PTGER3: variants seen among roughly 807,000 people sequenced by gnomAD.
The protein encoded by PTGER3 is prostaglandin E receptor 3.
PTGER3 carries 22 observed loss-of-function variants against 34.7 expected under a neutral mutation model. The ratio of observed to expected loss-of-function variants is 0.63; its 90% CI spans 0.45 to 0.91. PTGER3 has a LOEUF of 0.91. Among genes scored for constraint, PTGER3 ranks in the 40% least tolerant of loss-of-function variants. PTGER3 has a pLI of 0.00. For missense variants in PTGER3, 468 were observed against 519.4 expected (o/e 0.90, Z 0.96); for synonymous variants, 241 against 230.1 (o/e 1.05, Z -0.43).
At chr1:70,905,208 G>A (rs1646919410) in intron 4 of PTGER3, among the ~76,000 whole-genome samples, 1 of 152,150 alleles carries the variant, frequency 6.6e-6, no homozygotes, top group Admixed American at 6.5e-5. Context: ...ACACCTGGAT[G>A]CCCAGGCAGA....
intron 2 of PTGER3, among the ~76,000 whole-genome samples, chr1:70,989,255 A>G (rs1401854652): frequency 6.6e-6 from 1 of 152,174 alleles, no homozygotes; most frequent in Non-Finnish European, 1.5e-5. Flanking sequence ...GGTTATAAGG[A>G]TAATGATAAC....
chr1:70,915,962 G>A (rs983173558), intron 4 of PTGER3, among the ~76,000 whole-genome samples: 2 of 151,796 alleles, frequency 1.3e-5, no homozygotes, highest in African/African-American at 4.8e-5. Flanking sequence ...CTAGAAAATG[G>A]GAGAAAATAT....
chr1:70,952,445 GA>G (rs1471089338), exon 4 of PTGER3: 2 of 985,548 alleles, frequency 2.0e-6, no homozygotes, highest in Non-Finnish European at 2.4e-6. Context: ...TGTTGAATTA[GA>G]ATGTGTTTTA....
chr1:70,946,975 T>G (rs1413087965), intron 4 of PTGER3, among the ~76,000 whole-genome samples: 1 of 152,080 alleles, frequency 6.6e-6, no homozygotes, highest in Non-Finnish European at 1.5e-5. Context: ...TGACCTGGGA[T>G]AGCACGGTAC....
At chr1:71,044,996 A>G (rs1660633831) in intron 1 of PTGER3, among the ~76,000 whole-genome samples, 1 of 152,176 alleles carries the variant, frequency 6.6e-6, no homozygotes, top group Non-Finnish European at 1.5e-5. Flanking sequence ...GGCCACCTGT[A>G]CACTCCATTC....
chr1:71,015,042 A>G (rs1657771477), intron 1 of PTGER3, among the ~76,000 whole-genome samples: 2 of 152,094 alleles, frequency 1.3e-5, no homozygotes, highest in African/African-American at 4.8e-5. Context: ...GCTATAGTCC[A>G]TTGGTTTTAT....
In PTGER3 at chr1:71,009,546, GA is replaced by G. The variant is rs543418388; in HGVS notation, c.1077+2758del. On this transcript the variant is annotated intron_variant, in intron 2 of 3. Transcript: ENST00000306666. ...AAACTGCTCTCATTAAGTAACATGTGATCATTCTTCTCTGTGACTCAGCATA... is the reference window on the plus strand; with the variant it reads ...AAACTGCTCTCATTAAGTAACATGTGTCATTCTTCTCTGTGACTCAGCATA... 4.8e-4 allele frequency: 473 copies of G among 984,798 alleles called. 7 individuals carry two copies. In the South Asian group the frequency reaches 0.019, roughly 40 times the overall value. The allele number at this position is 984,798 out of a possible 1,614,324, so 61.0% of individuals were successfully genotyped here.
At position 70,959,979 on chromosome 1, in the gene PTGER3, T is replaced by C. The variant is rs143667633; in HGVS notation, c.1078-6190A>G. ...GGTAGGATGGGCCCCTAAATCAATA[T>C]AACTGGTGTTCTTTAAAAAGTGGGA... On this transcript the variant is annotated intron_variant, in intron 2 of 3. Transcript: ENST00000356595. Among the ~76,000 whole-genome samples, 399 of 152,240 alleles carry C rather than the reference T, an allele frequency of 2.6e-3. 8 individuals are homozygous for C. The highest frequency in any genetic ancestry group is 9.2e-3 in the African/African-American group (384 of 41,532).
rs183339502 is a variant in PTGER3, at chr1:70,880,750, G to A, written c.*24-27891C>T. On this transcript the variant is annotated intron_variant, in intron 4 of 4. Coordinates refer to the PTGER3 transcript ENST00000370931. ...TAGGCCCCTAAGTCTCTTCTGGCTT[G>A]TAGAGTTTCTGCTGAAAGTTCCACT... Among the ~76,000 whole-genome samples the A allele has an allele frequency of 5.3e-5, 8 of 151,382 alleles. No homozygotes were observed. The East Asian group carries it at 1.6e-3, about 29-fold the overall frequency.
intron 4 of PTGER3, among the ~76,000 whole-genome samples, chr1:70,917,630 C>A (rs1572641954): frequency 6.6e-6 from 1 of 151,832 alleles, no homozygotes; most frequent in African/African-American, 2.4e-5. Context: ...GAGGAACCCC[C>A]AAATTGTTTT....
At chr1:70,970,752 C>T (rs915574775), downstream of PTGER3, 10 of 523,010 alleles carry the variant, frequency 1.9e-5, no homozygotes, top group Non-Finnish European at 2.5e-5. Flanking sequence ...ACGGCATATC[C>T]GTTGAAAACT....
At chr1:71,010,950 A>C (rs1657387794) in intron 2 of PTGER3, 1 of 985,446 alleles carries the variant, frequency 1.0e-6, no homozygotes, top group Non-Finnish European at 1.2e-6. Context: ...CTTTTAAAAA[A>C]CTAGAAAAGC....
At position 70,927,290 on chromosome 1, in the gene PTGER3, G is replaced by A. The variant is rs537390799; in HGVS notation, c.*23+26473C>T. On this transcript the variant is annotated intron_variant, in intron 4 of 4. Transcript: ENST00000370931. The stretch of plus-strand genomic sequence containing the variant: ...CTTCCTTGTACCTCTGGTAGAATTC[G>A]GCTGTGAATCCATCTGGTCCTGGAC... Among the ~76,000 whole-genome samples the A allele has an allele frequency of 5.9e-5, 9 of 152,218 alleles. No individual in the cohort carries two copies. The East Asian group carries it at 1.4e-3, about 23-fold the overall frequency.
chr1:70,900,920 A>G (rs1646824242), intron 4 of PTGER3, among the ~76,000 whole-genome samples: 2 of 152,180 alleles, frequency 1.3e-5, no homozygotes, highest in South Asian at 4.1e-4. Context: ...GCAAGTATGT[A>G]TGATGGACCA....
At chr1:71,018,698 T>G (rs1310659582) in intron 1 of PTGER3, among the ~76,000 whole-genome samples, 1 of 152,188 alleles carries the variant, frequency 6.6e-6, no homozygotes, top group South Asian at 2.1e-4. Flanking sequence ...ATTCACAAAA[T>G]TACTTATTAA....
chr1:70,977,842 C>G (rs1653861483), intron 2 of PTGER3, among the ~76,000 whole-genome samples: 1 of 152,164 alleles, frequency 6.6e-6, no homozygotes, highest in South Asian at 2.1e-4. Flanking sequence ...AATGTTTTGC[C>G]TCCCTTTAAC....
chr1:70,993,324 T>A (rs1655636018), intron 2 of PTGER3, among the ~76,000 whole-genome samples: 2 of 152,228 alleles, frequency 1.3e-5, no homozygotes, highest in Admixed American at 6.5e-5. Context: ...GTTTGCTTTA[T>A]AAAGCGCATG....
intron 2 of PTGER3, among the ~76,000 whole-genome samples, chr1:70,981,859 C>T (rs561950184): frequency 4.1e-4 from 63 of 152,014 alleles, no homozygotes; most frequent in Non-Finnish European, 6.8e-4. Context: ...TTTAGTGATC[C>T]CTGGTACCCA....
downstream of PTGER3, chr1:70,950,588 G>A (rs1650664814): frequency 6.6e-6 from 1 of 152,194 alleles, no homozygotes; most frequent in Non-Finnish European, 1.5e-5. Context: ...AAGAGATAAT[G>A]TATTTTAGAG....
Sources: allele counts gnomAD v4.1 joint callset (sites outside exome capture counted in the v4.1 genomes callset), GRCh38; gene constraint gnomAD v4.1.1; transcripts MANE v1.5; gene names NCBI Gene and HGNC (gene_info 2026-07-23, HGNC 2026-07-21).